The following RGMA variants were observed in gnomAD, a reference collection of about 807,000 sequenced individuals.
The protein encoded by RGMA is repulsive guidance molecule A.
Under a neutral mutation model 23.2 loss-of-function variants are expected in RGMA, and 10 were observed. The ratio of observed to expected loss-of-function variants is 0.43; its 90% CI spans 0.27 to 0.73. The LOEUF (loss-of-function observed/expected upper bound fraction) is 0.73. Among genes scored for constraint, RGMA ranks in the 30% least tolerant of loss-of-function variants. RGMA has a pLI of 0.20. For synonymous variants in RGMA, 308 were observed against 279.3 expected, an observed-to-expected ratio of 1.10 and a Z score of -1.03; for missense variants, 547 against 630.5, an observed-to-expected ratio of 0.87 and a Z score of 1.42.
intron 1 of RGMA, among the ~76,000 whole-genome samples, chr15:93,087,464 C>A (rs1304525434): frequency 7.5e-4 from 56 of 74,512 alleles, no homozygotes; most frequent in Admixed American, 1.1e-3. Context: ...TTTGTATGTG[C>A]AAAAAAAAAA....
chr15:93,081,007 G>A (rs145024513), intron 1 of RGMA, among the ~76,000 whole-genome samples: 2 of 152,298 alleles, frequency 1.3e-5, no homozygotes, highest in East Asian at 1.9e-4. Flanking sequence ...CAGTACAAAA[G>A]CAATAGTATT....
intron 3 of RGMA, 51 bp downstream of exon 3, chr15:93,051,940 AGG>A: frequency 6.6e-7 from 1 of 1,514,454 alleles, no homozygotes; most frequent in Non-Finnish European, 8.9e-7. Flanking sequence ...GTGTCCACGC[AGG>A]GCAGAGACAA....
chr15:93,060,214 G>A (rs2055080307), intron 2 of RGMA, among the ~76,000 whole-genome samples: 1 of 152,170 alleles, frequency 6.6e-6, no homozygotes, highest in Non-Finnish European at 1.5e-5. Flanking sequence ...CCACCCTCCG[G>A]CCCCTTGGTA....
At chr15:93,088,651 T>G in intron 1 of RGMA, 2 of 1,017,132 alleles carry the variant, frequency 2.0e-6, no homozygotes, top group Non-Finnish European at 2.6e-6. Flanking sequence ...GTAAGGGACG[T>G]GTGCCGGGTC....
intron 1 of RGMA, among the ~76,000 whole-genome samples, chr15:93,084,803 G>A (rs907933090): frequency 6.6e-6 from 1 of 152,212 alleles, no homozygotes; most frequent in Non-Finnish European, 1.5e-5. Context: ...ACAATCTGGA[G>A]AGGAGAGACA....
intron 3 of RGMA, among the ~76,000 whole-genome samples, chr15:93,048,398 G>A (rs897253177): frequency 7.2e-5 from 11 of 152,288 alleles, no homozygotes; most frequent in East Asian, 3.9e-4. Context: ...TCATGAGCCC[G>A]TTCATCTTGG....
chr15:93,073,273 C>T, intron 1 of RGMA: 1 of 900,984 alleles, frequency 1.1e-6, no homozygotes, highest in Non-Finnish European at 1.4e-6. Flanking sequence ...CCCTCGCGCT[C>T]GGGTTTCAGC....
At chr15:93,078,783 C>T (rs1195092260) in intron 1 of RGMA, among the ~76,000 whole-genome samples, 2 of 152,216 alleles carry the variant, frequency 1.3e-5, no homozygotes, top group African/African-American at 4.8e-5. Context: ...TACTATTTTT[C>T]GCTTGTTTTC....
At chr15:93,065,948 A>G in intron 2 of RGMA, 1 of 821,400 alleles carries the variant, frequency 1.2e-6, no homozygotes, top group Non-Finnish European at 2.0e-6. Flanking sequence ...CGTCGGTAGA[A>G]GAAGGGTGGG....
chr15:93,076,483 C>T (rs35864810), intron 1 of RGMA, among the ~76,000 whole-genome samples: 35,337 of 151,964 alleles, frequency 0.23, 4,898 homozygotes, highest in East Asian at 0.56. Flanking sequence ...CAGGCTAGAC[C>T]TTGGGGGATA....
chr15:93,082,777 G>A (rs533191529), intron 1 of RGMA, among the ~76,000 whole-genome samples: 1 of 152,218 alleles, frequency 6.6e-6, no homozygotes. Flanking sequence ...GGAATTGTTT[G>A]TCTTTCTTTT....
chr15:93,051,968 C>T (rs2054928009), intron 3 of RGMA, 25 bp downstream of exon 3: 33 of 1,563,532 alleles, frequency 2.1e-5, no homozygotes, highest in Non-Finnish European at 2.9e-5. Flanking sequence ...AGGGCTGTGC[C>T]CTACAGCCGC....
At chr15:93,053,506 T>G (rs955025336) in intron 2 of RGMA, among the ~76,000 whole-genome samples, 1 of 152,214 alleles carries the variant, frequency 6.6e-6, no homozygotes, top group Admixed American at 6.5e-5. Flanking sequence ...TCAGCACTCT[T>G]GTCTGGGCCA....
At position 93,043,187 on chromosome 15, in the gene RGMA, TGCACACACATAGGCATGG is replaced by T. The variant is rs1206628023; in HGVS notation, c.*1793_*1810del. ...ACACATGCGCACACACATGCCTACATGCACACACATAGGCATGGGCGCACACACAGGCATGCGCACACA... is the reference window on the plus strand; with the variant it reads ...ACACATGCGCACACACATGCCTACATGCGCACACACAGGCATGCGCACACA... On this transcript the variant is annotated 3_prime_UTR_variant, in exon 4 of 4. Coordinates refer to ENST00000329082, the MANE Select transcript of RGMA (RefSeq NM_020211.3). 1 of 151,604 alleles carries T rather than the reference TGCACACACATAGGCATGG, an allele frequency of 6.6e-6. No homozygotes were observed. The highest frequency in any genetic ancestry group is 2.4e-5 in the African/African-American group (1 of 40,896). 9.4% of individuals were successfully genotyped at this position (151,604 alleles called of 1,614,324 possible). A position where few individuals can be genotyped will look rare whatever the true frequency, so the allele number is the denominator to read the frequency against.
At position 93,045,441 on chromosome 15, in the gene RGMA, C is replaced by T. The variant is rs1399086946; in HGVS notation, c.910G>A (p.Val304Met). ...VRMPEEVVNA[V>M]EDWDSQGLYL... ...AGACCCTGGCTGTCCCAGTCCTCCA[C>T]AGCATTGACCACTTCCTCTGGCATG... The change falls in exon 4 of 4, where the codon GTG (valine) becomes ATG (methionine). Residue 304 changes from valine to methionine, a missense_variant. Transcript: ENST00000329082. The surrounding 1 kb of genome is among the most constrained non-coding windows in gnomAD (Gnocchi z 6.9). The T allele has an allele frequency of 2.5e-6, 4 of 1,613,056 alleles. No homozygotes were observed. The Admixed American group carries it at 5.0e-5, about 20-fold the overall frequency.
rs1197789482 is a variant in RGMA at position 93,044,570 on chromosome 15, G to C, written c.*428C>G. 2 of 229,482 alleles carry C rather than the reference G, an allele frequency of 8.7e-6. No homozygotes were observed. The highest frequency in any genetic ancestry group is 7.2e-5 in the South Asian group (1 of 13,794). 14.2% of individuals were successfully genotyped at this position (229,482 alleles called of 1,614,324 possible). On this transcript the variant is annotated 3_prime_UTR_variant, in exon 4 of 4. Coordinates refer to ENST00000329082, the MANE Select transcript of RGMA (RefSeq NM_020211.3). ...GGATCGAGTGTGCTCTCGTGTAAGA[G>C]TGTGTGCGTGCGTGTGGCGGGCACA...
intron 2 of RGMA, among the ~76,000 whole-genome samples, chr15:93,072,456 G>C (rs1268892140): frequency 6.6e-6 from 1 of 152,178 alleles, no homozygotes; most frequent in Middle Eastern, 3.2e-3. Context: ...TCCGGGGAGG[G>C]GGCTGTCGGG....
In RGMA at chr15:93,043,069, C is replaced by T. The variant is rs184369858; in HGVS notation, c.*1929G>A. On this transcript the variant is annotated 3_prime_UTR_variant, in exon 4 of 4. Coordinates refer to ENST00000329082, the MANE Select transcript of RGMA (RefSeq NM_020211.3). ...CTGCCAAGCTCCAAAGACAGCTCATCGTGAGGAGGAAAAGTGACTTTACAA... is the reference window on the plus strand; with the variant it reads ...CTGCCAAGCTCCAAAGACAGCTCATTGTGAGGAGGAAAAGTGACTTTACAA... The T allele has an allele frequency of 6.6e-6, 1 of 152,406 alleles. No homozygotes were observed. The highest frequency in any genetic ancestry group is 6.5e-5 in the Admixed American group (1 of 15,310). 9.4% of individuals were successfully genotyped at this position (152,406 alleles called of 1,614,324 possible).
At chr15:93,080,052 C>T (rs1189339157) in intron 1 of RGMA, among the ~76,000 whole-genome samples, 1 of 151,846 alleles carries the variant, frequency 6.6e-6, no homozygotes, top group South Asian at 2.1e-4. Flanking sequence ...GTAATTAAGA[C>T]ATAATTACCA....
Sources: gnomAD v4.1 joint callset for allele counts (sites outside exome capture counted in the v4.1 genomes callset) on GRCh38, gnomAD v4.1.1 for gene constraint, Gnocchi (gnomAD v3.1) non-coding constraint, MANE v1.5 for transcripts, NCBI Gene and HGNC (gene_info 2026-07-23, HGNC 2026-07-21) for gene names.